Variants in CTNNA3 observed in about 807,000 individuals in gnomAD.
CTNNA3 encodes catenin alpha-3.
CTNNA3 carries 76 observed loss-of-function variants against 95.7 expected under a neutral mutation model. The ratio of observed to expected loss-of-function variants is 0.79; its 90% confidence interval spans 0.66 to 0.96. The LOEUF (loss-of-function observed/expected upper bound fraction) is 0.96. Ranked by LOEUF, CTNNA3 falls within the 40% of genes least tolerant of loss-of-function variation. The pLI, the probability that CTNNA3 is intolerant of heterozygous loss-of-function variation, is 0.00. For missense variants in CTNNA3, 1,191 were observed against 1,089.8 expected (o/e 1.09, Z -1.31); for synonymous variants, 431 against 374.4 (o/e 1.15, Z -1.74).
At chr10:66,346,393 G>T (rs916903864) in intron 12 of CTNNA3, among the ~76,000 whole-genome samples, 1 of 151,210 alleles carries the variant, frequency 6.6e-6, no homozygotes, top group African/African-American at 2.4e-5. Flanking sequence ...ATTATCCTGC[G>T]TCAGCCTCCT....
intron 12 of CTNNA3, among the ~76,000 whole-genome samples, chr10:66,374,914 C>G (rs770820521): frequency 2.0e-5 from 3 of 151,944 alleles, no homozygotes; most frequent in Non-Finnish European, 4.4e-5. Flanking sequence ...CACACCCAGA[C>G]CAGAAAAGCC....
At chr10:66,099,234 G>A (rs1333618761) in intron 14 of CTNNA3, among the ~76,000 whole-genome samples, 1 of 152,090 alleles carries the variant, frequency 6.6e-6, no homozygotes. Flanking sequence ...ACTGAGCATG[G>A]CATGAGTATT....
In CTNNA3 at chr10:66,401,518, A is replaced by AACACACACACACACACAC. The variant is rs140986771; in HGVS notation, c.1532-22184_1532-22167dup. On this transcript the variant is annotated intron_variant, in intron 11 of 17. Transcript: ENST00000433211. ...GTGACAGAGCTAGACTGTGTCTCAA[A>AACACACACACACACACAC]ACACACACACACACACACACACACA... 5.2e-4 allele frequency among the ~76,000 whole-genome samples: 75 copies of AACACACACACACACACAC among 143,998 alleles called. 1 individual carries two copies. The highest frequency in any genetic ancestry group is 7.1e-3 in the Middle Eastern group (2 of 282). The allele number at this position is 143,998 out of a possible 152,430, so 94.5% of individuals were successfully genotyped here.
chr10:66,286,313 C>T (rs1321484994), intron 12 of CTNNA3, among the ~76,000 whole-genome samples: 1 of 151,944 alleles, frequency 6.6e-6, no homozygotes, highest in Non-Finnish European at 1.5e-5. Flanking sequence ...CTCTTGTTCC[C>T]TTTTAATATC....
intron 7 of CTNNA3, among the ~76,000 whole-genome samples, chr10:67,172,114 C>A (rs1862049359): frequency 6.6e-6 from 1 of 152,234 alleles, no homozygotes; most frequent in South Asian, 2.1e-4. Context: ...GAATTCCCAA[C>A]TCCCTCAACT....
intron 13 of CTNNA3, among the ~76,000 whole-genome samples, chr10:66,277,260 G>A (rs1251787825): frequency 1.3e-5 from 2 of 152,000 alleles, no homozygotes; most frequent in African/African-American, 4.8e-5. Flanking sequence ...TCTTGAGTTA[G>A]TATTTTATTG....
intron 7 of CTNNA3, among the ~76,000 whole-genome samples, chr10:67,028,854 A>G (rs1283892539): frequency 6.6e-6 from 1 of 152,170 alleles, no homozygotes; most frequent in Non-Finnish European, 1.5e-5. Context: ...GTAGACTATT[A>G]GTAGTTTAGT....
At chr10:67,598,394 G>C (rs932487367) in intron 3 of CTNNA3, among the ~76,000 whole-genome samples, 3 of 152,106 alleles carry the variant, frequency 2.0e-5, no homozygotes, top group African/African-American at 7.2e-5. Context: ...GGCCAGGAAT[G>C]AGTCCTGGTG....
chr10:67,030,940 G>A (rs889958538), intron 7 of CTNNA3, among the ~76,000 whole-genome samples: 7 of 152,142 alleles, frequency 4.6e-5, no homozygotes, highest in Non-Finnish European at 7.3e-5. Context: ...AGAGGTGGAG[G>A]TTGCAGTGAG....
intron 7 of CTNNA3, among the ~76,000 whole-genome samples, chr10:66,847,265 A>T (rs757281243): frequency 4.2e-4 from 64 of 152,260 alleles, no homozygotes; most frequent in Admixed American, 7.2e-4. Context: ...TCATGGTGTG[A>T]ACTTACTCTG....
Position 66,447,348 on chromosome 10 carries a change from A to G in CTNNA3, c.1532-67996T>C, listed in dbSNP as rs554010160. On this transcript the variant is annotated intron_variant, in intron 11 of 17. Coordinates refer to ENST00000433211, the MANE Select transcript of CTNNA3 (RefSeq NM_013266.4). ...ACTTTAAAGGTCATATGGAACCAAA[A>G]AAGAGCCCGCATCGCCAAGTCAATC... is the stretch of plus-strand genomic sequence containing the variant. Among the ~76,000 whole-genome samples the G allele has an allele frequency of 3.4e-5, 5 of 147,574 alleles. No individual in the cohort carries two copies. In the East Asian group the frequency reaches 1.0e-3, roughly 30 times the overall value.
intron 1 of CTNNA3, among the ~76,000 whole-genome samples, chr10:67,706,014 C>A (rs1411961672): frequency 1.3e-5 from 2 of 151,936 alleles, no homozygotes; most frequent in Non-Finnish European, 1.5e-5. Flanking sequence ...AAAGCAGGTG[C>A]TTTTAAAAGA....
chr10:67,706,164 G>A (rs926899821), intron 1 of CTNNA3, among the ~76,000 whole-genome samples: 5 of 152,002 alleles, frequency 3.3e-5, no homozygotes, highest in African/African-American at 9.7e-5. Context: ...AAAAATAGCC[G>A]AAACTCTCCA....
At position 66,409,404 on chromosome 10, in the gene CTNNA3, A is replaced by C. The variant is rs17177659; in HGVS notation, c.1532-30052T>G. On this transcript the variant is annotated intron_variant, in intron 11 of 17. Transcript: ENST00000433211. The stretch of plus-strand genomic sequence containing the variant: ...ACAGAGAATTTTCTAACTGTTCCCA[A>C]AAAAAAAAAATGTCTTTTTAAGAAG... Among the ~76,000 whole-genome samples the C allele has an allele frequency of 8.0e-3, 603 of 75,508 alleles. 4 individuals carry two copies. Among genetic ancestry groups the C allele is most frequent in the South Asian group, 0.034 (69 of 2,002 alleles). The allele number at this position is 75,508 out of a possible 152,430, so 49.5% of individuals were successfully genotyped here. A position where few individuals can be genotyped will look rare whatever the true frequency, so the allele number is the denominator to read the frequency against.
At position 66,554,498 on chromosome 10, in the gene CTNNA3, TCTC is replaced by T. The variant is rs373055178; in HGVS notation, c.1375-33728_1375-33726del. The stretch of plus-strand genomic sequence containing the variant: ...TTCCAATGGCAAATATGCCAGAACT[TCTC>T]CTATTTTTAATAGCTGTTACTCTTT... On this transcript the variant is annotated intron_variant, in intron 10 of 17. Transcript: ENST00000433211. Among the ~76,000 whole-genome samples, 54 of 152,288 alleles carry T rather than the reference TCTC, an allele frequency of 3.5e-4. 1 individual carries two copies. The South Asian group carries it at 0.011, about 31-fold the overall frequency.
chr10:67,428,827 C>T (rs1378848528), intron 5 of CTNNA3, among the ~76,000 whole-genome samples: 5 of 151,966 alleles, frequency 3.3e-5, no homozygotes, highest in Non-Finnish European at 5.9e-5. Context: ...ATATTTCTCC[C>T]TTGCTGGATG....
chr10:67,265,941 T>C (rs1209753891), intron 5 of CTNNA3, among the ~76,000 whole-genome samples: 1 of 152,042 alleles, frequency 6.6e-6, no homozygotes, highest in Non-Finnish European at 1.5e-5. Context: ...ATGAAACAGA[T>C]CAATCGACAA....
At chr10:67,699,050 T>C (rs1409814714), upstream of CTNNA3, among the ~76,000 whole-genome samples, 1 of 152,160 alleles carries the variant, frequency 6.6e-6, no homozygotes, top group Non-Finnish European at 1.5e-5. Flanking sequence ...GTCCTCTTGC[T>C]CTTACCAAAG....
rs2076999600 is a variant in CTNNA3, at chr10:65,915,758, T to C, written c.*4572A>G. On this transcript the variant is annotated 3_prime_UTR_variant, in exon 18 of 18. Transcript: ENST00000433211. The stretch of plus-strand genomic sequence containing the variant: ...AGAGTGTCCAGAAATGGATTCTATC[T>C]TGTCTGTTAGGGGGAAAATATTCAC... 6.6e-6 allele frequency: 1 copy of C among 152,188 alleles called. No homozygotes were observed. Among genetic ancestry groups the C allele is most frequent in the South Asian group, 2.1e-4 (1 of 4,836 alleles). The allele number at this position is 152,188 out of a possible 1,614,324, so 9.4% of individuals were successfully genotyped here. A position where few individuals can be genotyped will look rare whatever the true frequency, so the allele number is the denominator to read the frequency against.
Sources: allele counts gnomAD v4.1 joint callset (sites outside exome capture counted in the v4.1 genomes callset), GRCh38; gene constraint gnomAD v4.1.1; transcripts MANE v1.5; gene names NCBI Gene and HGNC (gene_info 2026-07-23, HGNC 2026-07-21).